Variants in CD9 observed in about 807,000 individuals in gnomAD.
The protein encoded by CD9 is CD9 antigen.
In CD9, 10 loss-of-function variants were observed where a neutral mutation model predicts 31.4. The observed-to-expected ratio is 0.32, with a 90% CI of 0.20 to 0.54. The LOEUF (loss-of-function observed/expected upper bound fraction) is 0.54. Among genes scored for constraint, CD9 ranks in the 20% least tolerant of loss-of-function variants. The pLI is 0.94. For synonymous variants in CD9, 113 were observed against 114.1 expected, an observed-to-expected ratio of 0.99 and a Z score of 0.06; for missense variants, 259 against 300.1, an observed-to-expected ratio of 0.86 and a Z score of 1.01.
chr12:6,232,684 G>A lies in CD9; in HGVS notation c.228G>A (p.Leu76=), dbSNP rs114003206. 3.7e-4 allele frequency: 577 copies of A among 1,579,618 alleles called. 3 individuals are homozygous for A. In the East Asian group the frequency reaches 0.013, roughly 34 times the overall value. ...CCCTCATGATGCTGGTGGGCTTCCTGGGCTGCTGCGGGGCTGTGCAGGAGT... is the reference window on the plus strand; with the variant it reads ...CCCTCATGATGCTGGTGGGCTTCCTAGGCTGCTGCGGGGCTGTGCAGGAGT... The part of the protein sequence containing the change: ...AGALMMLVGF[L]GCCGAVQESQ... Residue 76 remains leucine, a synonymous_variant, in exon 3 of 8, where the codon CTG becomes CTA. Coordinates refer to ENST00000009180, the MANE Select transcript of CD9 (RefSeq NM_001769.4). This position sits in a 1 kb window ranked among gnomAD's most constrained non-coding sequence, Gnocchi z 4.8.
At chr12:6,212,935 G>A (rs529556306) in intron 1 of CD9, among the ~76,000 whole-genome samples, 1 of 152,176 alleles carries the variant, frequency 6.6e-6, no homozygotes, top group Non-Finnish European at 1.5e-5. Flanking sequence ...CATTGCTGGG[G>A]TTGGGGGGAG....
intron 6 of CD9, 60 bp from the exon 7 acceptor site, chr12:6,236,132 G>A: frequency 6.2e-7 from 1 of 1,604,544 alleles, no homozygotes; most frequent in Non-Finnish European, 8.5e-7. Context: ...CCATGGGAGG[G>A]AGGAGGTGCC....
At position 6,235,667 on chromosome 12, in the gene CD9, G is replaced by A. The variant is rs2072371; in HGVS notation, c.537+102G>A. ...GCCAAGTGCTGCTTCAGCAAGACCCGTTCTGCCTGTGAAAGGGCCCCAGGG... is the reference window on the plus strand; with the variant it reads ...GCCAAGTGCTGCTTCAGCAAGACCCATTCTGCCTGTGAAAGGGCCCCAGGG... On this transcript the variant is annotated intron_variant, in intron 6 of 7. Transcript: ENST00000009180. The A allele has an allele frequency of 2.7e-5, 39 of 1,461,024 alleles. No individual in the cohort carries two copies. The East Asian group carries it at 7.9e-4, about 29-fold the overall frequency. 90.5% of individuals were successfully genotyped at this position (1,461,024 alleles called of 1,614,324 possible).
chr12:6,200,457 C>G lies in CD9; in HGVS notation c.-43C>G, dbSNP rs375499704. 1.4e-6 allele frequency: 2 copies of G among 1,421,332 alleles called. No individual in the cohort carries two copies. Among genetic ancestry groups the G allele is most frequent in the African/African-American group, 2.8e-5 (2 of 70,968 alleles). The allele number at this position is 1,421,332 out of a possible 1,614,324, so 88.0% of individuals were successfully genotyped here. On this transcript the variant is annotated 5_prime_UTR_variant, in exon 1 of 8. Transcript: ENST00000009180. Reference sequence around the variant, plus strand: ...CGCCAGTCCCAGCTGCGCGCGCCCCCCAGTCCCGCACCCGTTCGGCCCAGG... The same window carrying G: ...CGCCAGTCCCAGCTGCGCGCGCCCCGCAGTCCCGCACCCGTTCGGCCCAGG...
intron 1 of CD9, among the ~76,000 whole-genome samples, chr12:6,215,046 G>T (rs924834779): frequency 1.3e-5 from 2 of 151,984 alleles, no homozygotes; most frequent in Admixed American, 6.6e-5. Flanking sequence ...TCACAATGCC[G>T]CATTTCCAGG....
intron 3 of CD9, 48 bp from the exon 4 acceptor site, chr12:6,233,364 G>T: frequency 5.0e-6 from 7 of 1,387,616 alleles, no homozygotes; most frequent in Non-Finnish European, 7.2e-6. Context: ...GATTTTCCTG[G>T]CTGGTTGGCT....
At position 6,235,536 on chromosome 12, in the gene CD9, AAGGACGTACT is replaced by A; in HGVS notation, c.509_518del (p.Lys170ThrfsTer6). 13 of 1,613,760 alleles carry A rather than the reference AAGGACGTACT, an allele frequency of 8.1e-6. No homozygotes were observed. Among genetic ancestry groups the A allele is most frequent in the Non-Finnish European group, 1.1e-5 (13 of 1,179,706 alleles). Reference sequence around the variant, plus strand: ...GTTTATCTCAGACATCTGCCCCAAGAAGGACGTACTCGAAACCTTCACCGTGAAGGTAAAC... The same window carrying A: ...GTTTATCTCAGACATCTGCCCCAAGACGAAACCTTCACCGTGAAGGTAAAC... On this transcript the variant is annotated frameshift_variant, in exon 6 of 8. Transcript: ENST00000009180. LOFTEE classifies it high-confidence loss of function.
At chr12:6,211,915 C>T (rs1946197770) in intron 1 of CD9, among the ~76,000 whole-genome samples, 1 of 152,218 alleles carries the variant, frequency 6.6e-6, no homozygotes, top group African/African-American at 2.4e-5. Flanking sequence ...CAGTACACTT[C>T]ACTGAAGCTT....
intron 1 of CD9, among the ~76,000 whole-genome samples, chr12:6,221,239 AG>A (rs1294381844): frequency 6.6e-6 from 1 of 152,252 alleles, no homozygotes; most frequent in Non-Finnish European, 1.5e-5. Flanking sequence ...AGCTTTTCCC[AG>A]CAAAACCAGA....
At chr12:6,206,678 AT>A (rs1490813654) in intron 1 of CD9, among the ~76,000 whole-genome samples, 1 of 152,006 alleles carries the variant, frequency 6.6e-6, no homozygotes, top group African/African-American at 2.4e-5. Flanking sequence ...AGATGAGATA[AT>A]TTTTTTGTGA....
At chr12:6,219,600 C>T (rs915841431) in intron 1 of CD9, among the ~76,000 whole-genome samples, 15 of 152,070 alleles carry the variant, frequency 9.9e-5, no homozygotes. Flanking sequence ...ATTCTCCTGC[C>T]TCAGCCTCCC....
chr12:6,218,097 C>T (rs1370513923), intron 1 of CD9, among the ~76,000 whole-genome samples: 4 of 152,038 alleles, frequency 2.6e-5, no homozygotes, highest in African/African-American at 4.8e-5. Context: ...CGTGGTGGTG[C>T]ACACCTGTAG....
chr12:6,221,220 T>G (rs1946288561), intron 1 of CD9, among the ~76,000 whole-genome samples: 2 of 152,242 alleles, frequency 1.3e-5, no homozygotes, highest in South Asian at 2.1e-4. Context: ...TTTGGCCAGA[T>G]AGCAAAGGAG....
chr12:6,233,666 G>C (rs113929606), intron 4 of CD9, among the ~76,000 whole-genome samples, 180 bp downstream of exon 4: 1 of 152,072 alleles, frequency 6.6e-6, no homozygotes, highest in Non-Finnish European at 1.5e-5. Flanking sequence ...ATGTCAGTGC[G>C]CTTACTGTCC....
intron 1 of CD9, among the ~76,000 whole-genome samples, chr12:6,210,572 C>T (rs1290866234): frequency 1.3e-5 from 2 of 152,210 alleles, no homozygotes; most frequent in Admixed American, 6.5e-5. Flanking sequence ...GGAGGAGGCG[C>T]GTCTGCAAGC....
rs150155610 is a variant in CD9 at position 6,205,753 on chromosome 12, A to G, written c.66+5188A>G. Among the ~76,000 whole-genome samples the G allele has an allele frequency of 1.2e-3, 184 of 152,364 alleles. 4 individuals carry two copies. In the South Asian group the frequency reaches 0.031, roughly 26 times the overall value. On this transcript the variant is annotated intron_variant, in intron 1 of 7. Coordinates refer to ENST00000009180, the MANE Select transcript of CD9 (RefSeq NM_001769.4). ...AAAGGCGCCTTTTCTTCTAAAGAAC[A>G]CAAACCTTGATGGTTCTTGCCTGGG...
At chr12:6,205,977 T>G (rs1343821706) in intron 1 of CD9, 2 of 152,158 alleles carry the variant, frequency 1.3e-5, no homozygotes, top group African/African-American at 2.4e-5. Context: ...CAGCGGGACT[T>G]TATTTGGATC....
At position 6,235,318 on chromosome 12, in the gene CD9, C is replaced by G. The variant is rs770547104; in HGVS notation, c.438C>G (p.Ile146Met). 1 of 1,614,232 alleles carries G rather than the reference C, an allele frequency of 6.2e-7. No individual in the cohort carries two copies. The highest frequency in any genetic ancestry group is 1.1e-5 in the South Asian group (1 of 91,090). ...DEPQRETLKA[I>M]HYALNCCGLA... ...CCCAGCGGGAAACGCTGAAAGCCAT[C>G]CACTATGCGGTATGTCGCCTTGGCA... Residue 146 changes from isoleucine to methionine, a missense_variant, in exon 5 of 8, where the codon ATC (isoleucine) becomes ATG (methionine). Ile to Met is a conservative substitution (Grantham distance 10). Coordinates refer to ENST00000009180, the MANE Select transcript of CD9 (RefSeq NM_001769.4).
At chr12:6,205,981 T>C (rs1319419141) in intron 1 of CD9, 6 of 152,192 alleles carry the variant, frequency 3.9e-5, no homozygotes, top group Admixed American at 3.3e-4. Context: ...GGGACTTTAT[T>C]TGGATCCACC....
Sources: gnomAD v4.1 joint callset for allele counts (sites outside exome capture counted in the v4.1 genomes callset) on GRCh38, gnomAD v4.1.1 for gene constraint, Gnocchi (gnomAD v3.1) non-coding constraint, MANE v1.5 for transcripts, NCBI Gene and HGNC (gene_info 2026-07-23, HGNC 2026-07-21) for gene names.